Variants in CDH8 observed in about 807,000 individuals in gnomAD.
The protein encoded by CDH8 is cadherin 8.
In CDH8, 17 loss-of-function variants were observed where a neutral mutation model predicts 68.1. The observed-to-expected ratio is 0.25, with a 90% CI of 0.17 to 0.37. The LOEUF is 0.37. Ranked by LOEUF, CDH8 falls within the 10% of genes least tolerant of loss-of-function variation. CDH8 has a pLI of 1.00. For synonymous variants in CDH8, 372 were observed against 365.1 expected (o/e 1.02, Z -0.21); for missense variants, 763 against 999.3 (o/e 0.76, Z 3.19).
At chr16:61,766,520 G>A (rs914895441) in intron 8 of CDH8, among the ~76,000 whole-genome samples, 1 of 151,890 alleles carries the variant, frequency 6.6e-6, no homozygotes, top group African/African-American at 2.4e-5. Context: ...TGGGATTGCT[G>A]GATCAAATGG....
intron 10 of CDH8, among the ~76,000 whole-genome samples, chr16:61,680,469 C>T (rs1963991272): frequency 6.6e-6 from 1 of 151,872 alleles, no homozygotes; most frequent in South Asian, 2.1e-4. Flanking sequence ...CTGTGTAATA[C>T]AGTTTTCCCT....
intron 2 of CDH8, among the ~76,000 whole-genome samples, chr16:61,972,380 C>G (rs1209240380): frequency 6.6e-6 from 1 of 152,050 alleles, no homozygotes; most frequent in Non-Finnish European, 1.5e-5. Context: ...GCAAGAAACT[C>G]CTATTTTTGT....
chr16:61,775,036 A>G lies in CDH8; in HGVS notation c.1414+14310T>C, dbSNP rs577520886. Among the ~76,000 whole-genome samples, 4 of 152,216 alleles carry G rather than the reference A, an allele frequency of 2.6e-5. No individual in the cohort carries two copies. In the East Asian group the frequency reaches 7.7e-4, roughly 29 times the overall value. Reference sequence around the variant, plus strand: ...AATCGCTATTTAAGATGAAATTATAAAGAATCTATAGTTAACCAATTGATG... The same window carrying G: ...AATCGCTATTTAAGATGAAATTATAGAGAATCTATAGTTAACCAATTGATG... On this transcript the variant is annotated intron_variant, in intron 8 of 11. Coordinates refer to ENST00000577390, the MANE Select transcript of CDH8 (RefSeq NM_001796.5).
chr16:61,652,837 T>A lies in CDH8; in HGVS notation c.*771A>T, dbSNP rs769483345. On this transcript the variant is annotated 3_prime_UTR_variant, in exon 12 of 12. Coordinates refer to ENST00000577390, the MANE Select transcript of CDH8 (RefSeq NM_001796.5). ...GTCTCTTATGTAGTCCACTGTGTGA[T>A]ACAGTTTATCTTTGTGTCCTTGTGG... 2 of 1,519,738 alleles carry A rather than the reference T, an allele frequency of 1.3e-6. No individual in the cohort carries two copies. Among genetic ancestry groups the A allele is most frequent in the Non-Finnish European group, 8.8e-7 (1 of 1,138,846 alleles). 94.1% of individuals were successfully genotyped at this position (1,519,738 alleles called of 1,614,324 possible). A position where few individuals can be genotyped will look rare whatever the true frequency, so the allele number is the denominator to read the frequency against.
intron 2 of CDH8, among the ~76,000 whole-genome samples, chr16:62,010,543 G>A (rs1226105816): frequency 6.6e-6 from 1 of 152,152 alleles, no homozygotes; most frequent in Non-Finnish European, 1.5e-5. Flanking sequence ...CCTTTATCAG[G>A]GGATTGATGT....
intron 1 of CDH8, among the ~76,000 whole-genome samples, chr16:62,034,695 T>G (rs930350834): frequency 2.0e-5 from 3 of 152,062 alleles, no homozygotes; most frequent in Admixed American, 6.5e-5. Flanking sequence ...TGTCGAATCA[T>G]GCCTCCTAAG....
intron 1 of CDH8, among the ~76,000 whole-genome samples, chr16:62,024,078 ATCT>A (rs1276288872): frequency 1.3e-5 from 2 of 151,966 alleles, no homozygotes; most frequent in African/African-American, 4.8e-5. Context: ...ACCTCAAGTG[ATCT>A]TCTCACTCCA....
At chr16:61,669,036 T>C (rs1351693825) in intron 10 of CDH8, among the ~76,000 whole-genome samples, 1 of 152,046 alleles carries the variant, frequency 6.6e-6, no homozygotes, top group Non-Finnish European at 1.5e-5. Flanking sequence ...TGAAAGAAAC[T>C]ATAGTACCAA....
intron 2 of CDH8, among the ~76,000 whole-genome samples, chr16:61,934,455 G>A (rs1964596226): frequency 1.3e-5 from 2 of 152,054 alleles, no homozygotes; most frequent in Admixed American, 1.3e-4. Flanking sequence ...ATACGATATT[G>A]TATCCTATGC....
chr16:61,882,064 C>A (rs1253769919), intron 3 of CDH8, among the ~76,000 whole-genome samples: 1 of 152,142 alleles, frequency 6.6e-6, no homozygotes, highest in Non-Finnish European at 1.5e-5. Context: ...CTATTCAAAG[C>A]AAATGCCGTG....
intron 2 of CDH8, among the ~76,000 whole-genome samples, chr16:61,917,400 T>C (rs979809224): frequency 1.3e-5 from 2 of 152,158 alleles, no homozygotes; most frequent in Non-Finnish European, 2.9e-5. Context: ...GCTCTGTTCC[T>C]GTCCCTCCTA....
chr16:61,698,887 G>T (rs1412146686), intron 10 of CDH8, among the ~76,000 whole-genome samples: 2 of 152,172 alleles, frequency 1.3e-5, no homozygotes, highest in African/African-American at 4.8e-5. Context: ...AAGAAGGAGA[G>T]TTGAAGTGGG....
chr16:61,855,949 T>G, intron 4 of CDH8, among the ~76,000 whole-genome samples: 1 of 152,128 alleles, frequency 6.6e-6, no homozygotes, highest in East Asian at 1.9e-4. Context: ...ATTATACCCC[T>G]AATTAATGTG....
chr16:61,719,761 C>T (rs373048070), intron 9 of CDH8, among the ~76,000 whole-genome samples: 3 of 150,724 alleles, frequency 2.0e-5, no homozygotes, highest in African/African-American at 7.3e-5. Context: ...TGTTTATCCT[C>T]CCAGGGCAAG....
intron 10 of CDH8, among the ~76,000 whole-genome samples, chr16:61,680,265 C>T (rs1172097323): frequency 2.6e-5 from 4 of 151,938 alleles, no homozygotes. Context: ...TCCTCTCTGG[C>T]TTCATGCAAA....
intron 3 of CDH8, among the ~76,000 whole-genome samples, chr16:61,866,520 T>G (rs554855636): frequency 2.0e-5 from 3 of 152,214 alleles, no homozygotes; most frequent in African/African-American, 4.8e-5. Context: ...GTATACACTA[T>G]ATACATACTA....
chr16:61,655,874 T>C (rs1027185878), intron 10 of CDH8, among the ~76,000 whole-genome samples, 153 bp from the exon 11 acceptor site: 2 of 71,676 alleles, frequency 2.8e-5, no homozygotes, highest in African/African-American at 1.3e-4. Flanking sequence ...GTCTCCGCAC[T>C]TTTTTTTTTT....
chr16:61,732,588 T>A (rs1221272225), intron 8 of CDH8, among the ~76,000 whole-genome samples: 3 of 151,798 alleles, frequency 2.0e-5, no homozygotes, highest in Non-Finnish European at 4.4e-5. Context: ...AGAAAATTTG[T>A]TCCTAGTAGA....
chr16:61,789,452 C>G lies in CDH8; in HGVS notation c.1308G>C (p.Glu436Asp). Residue 436 changes from glutamate (E) to aspartate (D), a missense_variant, in exon 8 of 12, where the codon GAG becomes GAC. Around this residue, in one of 2 missense-constraint regions of CDH8, gnomAD observed 366 missense variants for 563.1 expected, o/e 0.65. Coordinates refer to ENST00000577390, the MANE Select transcript of CDH8 (RefSeq NM_001796.5). Reference sequence around the variant, plus strand: ...CGTCTGCATTAATGTTGAACTGCCTCTCCAGGTCAGTGTGCCGGTCGATGG... The same window carrying G: ...CGTCTGCATTAATGTTGAACTGCCTGTCCAGGTCAGTGTGCCGGTCGATGG... ...RFSIDRHTDL[E>D]RQFNINADDG... 1 of 1,613,016 alleles carries G rather than the reference C, an allele frequency of 6.2e-7. No homozygotes were observed. Among genetic ancestry groups the G allele is most frequent in the Non-Finnish European group, 8.5e-7 (1 of 1,179,298 alleles).
Sources: allele counts gnomAD v4.1 joint callset (sites outside exome capture counted in the v4.1 genomes callset), GRCh38; gene constraint gnomAD v4.1.1; regional missense constraint gnomAD v4.1.1; transcripts MANE v1.5; gene names NCBI Gene and HGNC (gene_info 2026-07-23, HGNC 2026-07-21).